LOC400499: variants seen among roughly 807,000 people sequenced by gnomAD.
the LOC400499 span, among the ~76,000 whole-genome samples, chr16:11,466,906 G>A: frequency 6.7e-6 from 1 of 149,376 alleles, no homozygotes; most frequent in Non-Finnish European, 1.5e-5. Context: ...CAAGGTGTAC[G>A]TACGTATATG....
chr16:11,407,813 T>C, the LOC400499 span, among the ~76,000 whole-genome samples: 1 of 152,126 alleles, frequency 6.6e-6, no homozygotes, highest in South Asian at 2.1e-4. Flanking sequence ...ACACCTATTT[T>C]ATTACGGGTT....
chr16:11,417,803 C>T, the LOC400499 span: 18 of 398,772 alleles, frequency 4.5e-5, no homozygotes, highest in Non-Finnish European at 7.1e-5. Context: ...CCAGAATGCT[C>T]GAAGCCGGAG....
the LOC400499 span, among the ~76,000 whole-genome samples, chr16:11,436,583 T>G: frequency 6.6e-6 from 1 of 152,018 alleles, no homozygotes; most frequent in Non-Finnish European, 1.5e-5. Flanking sequence ...AGGAAAAGTT[T>G]TTTTTTTTTT....
the LOC400499 span, among the ~76,000 whole-genome samples, chr16:11,386,271 C>T: frequency 6.6e-6 from 1 of 152,140 alleles, no homozygotes; most frequent in Non-Finnish European, 1.5e-5. Context: ...TGCCCTTGCC[C>T]GTGGCCAGGA....
chr16:11,374,361 C>A, the LOC400499 span, among the ~76,000 whole-genome samples: 23,036 of 152,206 alleles, frequency 0.15, 1,969 homozygotes, highest in Non-Finnish European at 0.2. Context: ...ACACAAGTAA[C>A]ATTTACCATA....
the LOC400499 span, among the ~76,000 whole-genome samples, chr16:11,395,488 G>A: frequency 1.3e-5 from 2 of 152,326 alleles, no homozygotes; most frequent in Admixed American, 6.5e-5. Flanking sequence ...AAACGGGGAA[G>A]TGACAGTCAG....
the LOC400499 span, among the ~76,000 whole-genome samples, chr16:11,377,070 C>G: frequency 6.6e-6 from 1 of 152,050 alleles, no homozygotes; most frequent in Admixed American, 6.6e-5. Flanking sequence ...CCTCCTGCCT[C>G]AGCCTCCCAA....
the LOC400499 span, chr16:11,447,867 G>A: frequency 2.0e-6 from 3 of 1,472,550 alleles, no homozygotes; most frequent in African/African-American, 1.4e-5. Context: ...GTTCCCCCTG[G>A]GGATGCTCCG....
At chr16:11,498,390 G>A in the LOC400499 span, among the ~76,000 whole-genome samples, 5 of 152,130 alleles carry the variant, frequency 3.3e-5, no homozygotes, top group East Asian at 1.9e-4. Flanking sequence ...GCTGAGGCAC[G>A]AGAATCACTT....
the LOC400499 span, among the ~76,000 whole-genome samples, chr16:11,397,977 A>G: frequency 6.6e-6 from 1 of 152,140 alleles, no homozygotes. Context: ...TCAACCAGCT[A>G]CCAACCCCAG....
chr16:11,472,261 C>G, the LOC400499 span: 1 of 151,812 alleles, frequency 6.6e-6, no homozygotes, highest in African/African-American at 2.4e-5. Flanking sequence ...GGCACAATCT[C>G]GGCTCACTGC....
At chr16:11,455,774 A>C in the LOC400499 span, among the ~76,000 whole-genome samples, 1 of 151,674 alleles carries the variant, frequency 6.6e-6, no homozygotes, top group African/African-American at 2.4e-5. Flanking sequence ...AGAAACAAAC[A>C]AACAACATAG....
chr16:11,380,814 T>G, the LOC400499 span: 1 of 152,210 alleles, frequency 6.6e-6, no homozygotes, highest in African/African-American at 2.4e-5. Context: ...TGTTGATGGC[T>G]GACGTAGCGG....
At chr16:11,438,342 C>A in the LOC400499 span, among the ~76,000 whole-genome samples, 1 of 152,184 alleles carries the variant, frequency 6.6e-6, no homozygotes, top group African/African-American at 2.4e-5. Context: ...AAGATACAGA[C>A]TGACTTCAGG....
the LOC400499 span, among the ~76,000 whole-genome samples, chr16:11,400,446 T>C: frequency 1.4e-5 from 2 of 139,962 alleles, no homozygotes; most frequent in Admixed American, 1.4e-4. Context: ...ATCTTTTTTT[T>C]TTCTTTTTTT....
the LOC400499 span, among the ~76,000 whole-genome samples, chr16:11,501,417 G>A: frequency 6.6e-6 from 1 of 152,144 alleles, no homozygotes; most frequent in Non-Finnish European, 1.5e-5. Context: ...CAGTGCAGTG[G>A]TGCGATCACA....
At chr16:11,430,864 T>G in the LOC400499 span, among the ~76,000 whole-genome samples, 1 of 152,232 alleles carries the variant, frequency 6.6e-6, no homozygotes, top group Non-Finnish European at 1.5e-5. Flanking sequence ...TCAGAATGCA[T>G]GTTCATTTCT....
chr16:11,459,860 C>T, the LOC400499 span: 1 of 1,325,484 alleles, frequency 7.5e-7, no homozygotes, highest in South Asian at 2.3e-5. Flanking sequence ...ATGCTGGACT[C>T]ATGGGGCACG....
chr16:11,398,524 C>G, the LOC400499 span: 1 of 1,232,052 alleles, frequency 8.1e-7, no homozygotes, highest in South Asian at 4.1e-5. Flanking sequence ...AATGAGAGGG[C>G]CTATGGGTCA....
Sources: allele counts gnomAD v4.1 joint callset (sites outside exome capture counted in the v4.1 genomes callset), GRCh38; gene constraint gnomAD v4.1.1; transcripts MANE v1.5.